PRUNE2: variants seen among roughly 807,000 people sequenced by gnomAD.
PRUNE2 encodes protein prune homolog 2.
PRUNE2 carries 164 observed loss-of-function variants against 252.0 expected under a neutral mutation model. The ratio of observed to expected loss-of-function variants is 0.65; its 90% confidence interval spans 0.57 to 0.74. The LOEUF (loss-of-function observed/expected upper bound fraction) is 0.74, where lower values mean the gene tolerates loss of function less well. PRUNE2 is among the 30% of genes least tolerant of loss of function. The probability of loss-of-function intolerance (pLI) is 0.00; values close to 1 mark genes in which losing one functional copy is unlikely to be tolerated. For synonymous variants in PRUNE2, 1,292 were observed against 1,350.2 expected, an observed-to-expected ratio of 0.96 and a Z score of 0.94; for missense variants, 3,495 against 3,711.0, an observed-to-expected ratio of 0.94 and a Z score of 1.51.
At chr9:76,736,106 C>T (rs1176059997) in intron 6 of PRUNE2, among the ~76,000 whole-genome samples, 1 of 151,356 alleles carries the variant, frequency 6.6e-6, no homozygotes, top group Non-Finnish European at 1.5e-5. Flanking sequence ...AAATATTTTT[C>T]AGCCTTAGAG....
Position 76,780,672 on chromosome 9 carries a change from C to G in PRUNE2, c.756+42960G>C, listed in dbSNP as rs138760508. 3.2e-3 allele frequency among the ~76,000 whole-genome samples: 485 copies of G among 152,282 alleles called. 5 individuals are homozygous for G. Among genetic ancestry groups the G allele is most frequent in the African/African-American group, 0.011 (476 of 41,552 alleles). ...CCCCACTGCACTCCAGCCTGGGCGA[C>G]AGAGCAAGACTCCGTCTCAAAAACA... On this transcript the variant is annotated intron_variant, in intron 6 of 18. Transcript: ENST00000376718.
chr9:76,666,380 T>G (rs1161723890), intron 9 of PRUNE2, among the ~76,000 whole-genome samples: 2 of 152,222 alleles, frequency 1.3e-5, no homozygotes, highest in East Asian at 3.8e-4. Context: ...ACCATCTCCC[T>G]GTGATGCTGT....
intron 6 of PRUNE2, among the ~76,000 whole-genome samples, chr9:76,806,229 G>T (rs1183946324): frequency 4.6e-5 from 7 of 152,130 alleles, no homozygotes; most frequent in African/African-American, 1.7e-4. Flanking sequence ...GGAAATTTGT[G>T]TTCTACCAAG....
At chr9:76,666,167 T>A (rs776289808) in intron 9 of PRUNE2, among the ~76,000 whole-genome samples, 2 of 152,120 alleles carry the variant, frequency 1.3e-5, no homozygotes, top group Non-Finnish European at 2.9e-5. Context: ...CTAGCGGTAA[T>A]GCCAGGGCCT....
intron 16 of PRUNE2, among the ~76,000 whole-genome samples, chr9:76,626,398 G>A (rs562545790): frequency 2.0e-5 from 3 of 152,266 alleles, no homozygotes; most frequent in East Asian, 1.9e-4. Flanking sequence ...GCCATGGCTC[G>A]TATCCATTTG....
chr9:76,674,532 T>G (rs1221951958), intron 9 of PRUNE2, among the ~76,000 whole-genome samples: 2 of 151,924 alleles, frequency 1.3e-5, no homozygotes, highest in East Asian at 3.9e-4. Flanking sequence ...AAGCTACCAA[T>G]GACTTTCTTC....
chr9:76,679,616 A>C (rs1168090219), intron 9 of PRUNE2, among the ~76,000 whole-genome samples: 1 of 152,134 alleles, frequency 6.6e-6, no homozygotes, highest in Non-Finnish European at 1.5e-5. Flanking sequence ...TGATTGTATC[A>C]TGTCACTGCA....
At chr9:76,848,245 CAG>C (rs1263664216) in intron 3 of PRUNE2, among the ~76,000 whole-genome samples, 3 of 152,100 alleles carry the variant, frequency 2.0e-5, no homozygotes, top group Non-Finnish European at 4.4e-5. Flanking sequence ...GCCTGGGTGA[CAG>C]AGCAAGAATC....
intron 6 of PRUNE2, among the ~76,000 whole-genome samples, chr9:76,772,339 A>AT (rs1019597175): frequency 2.6e-5 from 4 of 151,772 alleles, no homozygotes; most frequent in African/African-American, 4.8e-5. Flanking sequence ...ATTTATTTTA[A>AT]TTTTTTTTTT....
chr9:76,809,301 C>T (rs1043614591), intron 6 of PRUNE2, among the ~76,000 whole-genome samples: 1 of 152,162 alleles, frequency 6.6e-6, no homozygotes, highest in South Asian at 2.1e-4. Context: ...ATTTCAGGGA[C>T]ATAATAGCTA....
intron 16 of PRUNE2, chr9:76,627,801 A>G: frequency 2.5e-6 from 1 of 400,732 alleles, no homozygotes; most frequent in Non-Finnish European, 4.9e-6. Flanking sequence ...TATACTGTGC[A>G]TAAGTAACTT....
chr9:76,845,515 G>A (rs2059625689), intron 4 of PRUNE2, among the ~76,000 whole-genome samples: 1 of 152,160 alleles, frequency 6.6e-6, no homozygotes, highest in South Asian at 2.1e-4. Context: ...GACATTCATT[G>A]CCAGGAAAAT....
chr9:76,702,441 C>A (rs1050189523), intron 9 of PRUNE2, among the ~76,000 whole-genome samples: 1 of 152,096 alleles, frequency 6.6e-6, no homozygotes, highest in Non-Finnish European at 1.5e-5. Flanking sequence ...GTTCTTTTGT[C>A]CCTGGAAGCA....
At chr9:76,635,427 C>A (rs904847185) in intron 15 of PRUNE2, among the ~76,000 whole-genome samples, 20 of 152,088 alleles carry the variant, frequency 1.3e-4, no homozygotes, top group Non-Finnish European at 2.4e-4. Flanking sequence ...ATTCTGATAA[C>A]TTCGTTTTTT....
chr9:76,887,510 G>A (rs568958873), intron 1 of PRUNE2, among the ~76,000 whole-genome samples: 4 of 152,248 alleles, frequency 2.6e-5, no homozygotes, highest in East Asian at 1.9e-4. Context: ...GTCCCTGCAC[G>A]GTGCCATAAA....
intron 9 of PRUNE2, among the ~76,000 whole-genome samples, chr9:76,664,098 C>G (rs1236712327): frequency 2.0e-5 from 3 of 152,142 alleles, no homozygotes; most frequent in Non-Finnish European, 4.4e-5. Flanking sequence ...ATTTCCCGTC[C>G]CTTAAGTGTG....
chr9:76,853,111 C>A (rs571446799), intron 2 of PRUNE2, among the ~76,000 whole-genome samples: 1 of 152,186 alleles, frequency 6.6e-6, no homozygotes, highest in East Asian at 1.9e-4. Context: ...ACCAATTAAT[C>A]TCCCTTGTAA....
intron 1 of PRUNE2, among the ~76,000 whole-genome samples, chr9:76,889,340 ATT>A (rs11307422): frequency 6.7e-6 from 1 of 150,164 alleles, no homozygotes; most frequent in East Asian, 2.0e-4. Context: ...GTGACTGCAG[ATT>A]TTTTTTTTTG....
intron 6 of PRUNE2, among the ~76,000 whole-genome samples, chr9:76,766,516 C>T (rs1180883990): frequency 6.6e-6 from 1 of 152,184 alleles, no homozygotes; most frequent in Non-Finnish European, 1.5e-5. Context: ...TTTCTTTCTG[C>T]TAAATTAACT....
Sources: allele counts gnomAD v4.1 joint callset (sites outside exome capture counted in the v4.1 genomes callset), GRCh38; gene constraint gnomAD v4.1.1; transcripts MANE v1.5; gene names NCBI Gene and HGNC (gene_info 2026-07-23, HGNC 2026-07-21).